The following LAMC1 variants were observed in gnomAD, a reference collection of about 807,000 sequenced individuals.
LAMC1 encodes the protein laminin subunit gamma-1.
In LAMC1, 38 loss-of-function variants were observed where a neutral mutation model predicts 173.6. The ratio of observed to expected loss-of-function variants is 0.22; its 90% confidence interval spans 0.17 to 0.29. The LOEUF (loss-of-function observed/expected upper bound fraction) is 0.29. LAMC1 is among the 10% of genes least tolerant of loss of function. The probability of loss-of-function intolerance (pLI) is 1.00; values close to 1 mark genes in which losing one functional copy is unlikely to be tolerated. For missense variants in LAMC1, 1,824 were observed against 2,051.8 expected (o/e 0.89, Z 2.14); for synonymous variants, 746 against 749.1 (o/e 1.00, Z 0.07).
Position 183,116,678 on chromosome 1 carries a change from AG to A in LAMC1, c.1427+4del, listed in dbSNP as rs1303035276. The A allele has an allele frequency of 6.2e-7, 1 of 1,610,518 alleles. No homozygotes were observed. The highest frequency in any genetic ancestry group is 2.2e-5 in the East Asian group (1 of 44,852). On this transcript the variant is annotated splice_donor_region_variant and intron_variant, in intron 7 of 27. Coordinates refer to ENST00000258341, the MANE Select transcript of LAMC1 (RefSeq NM_002293.4). The stretch of plus-strand genomic sequence containing the variant: ...GTCGAAGGCTTCAATTGTGAAAGGT[AG>A]TGCATTCTTTCTCTAGCTGCATTGT...
chr1:183,056,530 C>T (rs1654600454), intron 1 of LAMC1, among the ~76,000 whole-genome samples: 1 of 152,132 alleles, frequency 6.6e-6, no homozygotes, highest in African/African-American at 2.4e-5. Context: ...CACCCTCCTC[C>T]CCCCATCCCC....
At position 183,142,751 on chromosome 1, in the gene LAMC1, A is replaced by G. The variant is rs1203950012; in HGVS notation, c.4791A>G (p.Pro1597=). The part of the protein sequence containing the change: ...RNLEDIRKTL[P]SGCFNTPSIE... ...TGGAGGACATCAGGAAGACCTTACC[A>G]TCTGGCTGCTTCAACACCCCGTCCA... The change falls in exon 28 of 28, where the codon CCA becomes CCG. Residue 1597 remains proline (P), a synonymous_variant. Coordinates refer to ENST00000258341, the MANE Select transcript of LAMC1 (RefSeq NM_002293.4). 6.2e-7 allele frequency: 1 copy of G among 1,613,894 alleles called. No homozygotes were observed. The highest frequency in any genetic ancestry group is 2.2e-5 in the East Asian group (1 of 44,892).
chr1:183,128,485 A>G (rs1427263303), intron 17 of LAMC1, 109 bp from the exon 18 acceptor site: 6 of 728,516 alleles, frequency 8.2e-6, no homozygotes, highest in Non-Finnish European at 1.2e-5. Flanking sequence ...AAAAAAAAAA[A>G]GAACTACATA....
chr1:183,040,225 C>A (rs1448327120), intron 1 of LAMC1, among the ~76,000 whole-genome samples: 1 of 152,204 alleles, frequency 6.6e-6, no homozygotes, highest in Non-Finnish European at 1.5e-5. Flanking sequence ...TAACACACAG[C>A]TGTTTTTGTT....
At chr1:183,124,519 C>A in intron 13 of LAMC1, 112 bp from the exon 14 acceptor site, 1 of 1,328,396 alleles carries the variant, frequency 7.5e-7, no homozygotes, top group Non-Finnish European at 1.1e-6. Context: ...CTCCACTGCA[C>A]CATGTCTTCT....
chr1:183,059,312 CA>C (rs1246403207), intron 1 of LAMC1, among the ~76,000 whole-genome samples: 13 of 152,338 alleles, frequency 8.5e-5, no homozygotes, highest in Admixed American at 8.5e-4. Context: ...TAATACATTA[CA>C]TCATGGTGGA....
chr1:183,028,877 T>A (rs1362842455), intron 1 of LAMC1, among the ~76,000 whole-genome samples: 1 of 152,262 alleles, frequency 6.6e-6, no homozygotes, highest in Non-Finnish European at 1.5e-5. Flanking sequence ...GTATTTCTAG[T>A]CAGCTCTTTT....
chr1:183,079,261 T>G (rs1433540239), intron 1 of LAMC1, among the ~76,000 whole-genome samples: 4 of 107,218 alleles, frequency 3.7e-5, no homozygotes, highest in African/African-American at 1.3e-4. Flanking sequence ...TTTTTTTTTT[T>G]TTTTTTTTTT....
At chr1:183,044,055 AG>A (rs1223797873) in intron 1 of LAMC1, among the ~76,000 whole-genome samples, 1 of 151,954 alleles carries the variant, frequency 6.6e-6, no homozygotes, top group Non-Finnish European at 1.5e-5. Context: ...AGGAATCTTT[AG>A]TCACTCAGTT....
At chr1:183,054,795 C>T (rs900378417) in intron 1 of LAMC1, among the ~76,000 whole-genome samples, 3 of 152,104 alleles carry the variant, frequency 2.0e-5, no homozygotes, top group Non-Finnish European at 4.4e-5. Context: ...ATTGATTATT[C>T]ATAGACTTCT....
intron 14 of LAMC1, 144 bp downstream of exon 14, chr1:183,125,020 AC>A: frequency 9.1e-7 from 1 of 1,094,158 alleles, no homozygotes; most frequent in Non-Finnish European, 1.3e-6. Flanking sequence ...TTTTCTAGTC[AC>A]CACATTAAAA....
intron 11 of LAMC1, among the ~76,000 whole-genome samples, chr1:183,120,288 G>T (rs1656436054): frequency 6.6e-6 from 1 of 151,860 alleles, no homozygotes. Context: ...AAGAAGTTTG[G>T]CTATAAGGAA....
chr1:183,114,707 T>C lies in LAMC1; in HGVS notation c.1198T>C (p.Cys400Arg). The C allele has an allele frequency of 6.2e-7, 1 of 1,614,010 alleles. No homozygotes were observed. Among genetic ancestry groups the C allele is most frequent in the Non-Finnish European group, 8.5e-7 (1 of 1,179,904 alleles). Reference sequence around the variant, plus strand: ...CAATGAAGCCTGCTCTTCATGCCACTGTAGTCCTGTGGGTAAGTGACAGGA... The same window carrying C: ...CAATGAAGCCTGCTCTTCATGCCACCGTAGTCCTGTGGGTAAGTGACAGGA... ...GNNEACSSCH[C>R]SPVGSLSTQC... The change falls in exon 5 of 28, where the codon TGT becomes CGT. Residue 400 changes from cysteine to arginine, a missense_variant. Physicochemically the swap from Cys to Arg is radical, Grantham distance 180 (BLOSUM62 -3). Coordinates refer to ENST00000258341, the MANE Select transcript of LAMC1 (RefSeq NM_002293.4).
chr1:183,092,123 G>C (rs1655581141), intron 1 of LAMC1, among the ~76,000 whole-genome samples: 1 of 152,196 alleles, frequency 6.6e-6, no homozygotes, highest in African/African-American at 2.4e-5. Flanking sequence ...ACATCTGTGT[G>C]TGTCTTAAAG....
chr1:183,102,267 G>T (rs1341470900), intron 1 of LAMC1, among the ~76,000 whole-genome samples: 4 of 152,204 alleles, frequency 2.6e-5, no homozygotes, highest in Non-Finnish European at 5.9e-5. Flanking sequence ...GGGTTTTGTA[G>T]GAGAGGGTTG....
intron 2 of LAMC1, among the ~76,000 whole-genome samples, chr1:183,105,655 G>A (rs1189719012): frequency 6.6e-6 from 1 of 152,156 alleles, no homozygotes; most frequent in Non-Finnish European, 1.5e-5. Context: ...AATGCTGTGG[G>A]CATCTGCATA....
intron 1 of LAMC1, among the ~76,000 whole-genome samples, chr1:183,102,559 C>A (rs1487923691): frequency 6.6e-6 from 1 of 152,234 alleles, no homozygotes. Flanking sequence ...CCAAGCCATC[C>A]TGACCATAAG....
intron 1 of LAMC1, among the ~76,000 whole-genome samples, chr1:183,086,405 A>G (rs558084773): frequency 6.6e-6 from 1 of 152,346 alleles, no homozygotes; most frequent in South Asian, 2.1e-4. Context: ...TACCTTTTCA[A>G]GTGATAGAAG....
At chr1:183,133,278 C>T in intron 21 of LAMC1, 128 bp from the exon 22 acceptor site, 1 of 768,538 alleles carries the variant, frequency 1.3e-6, no homozygotes, top group Non-Finnish European at 2.1e-6. Context: ...TATTAAAATG[C>T]AAGCATTTTA....
Sources: gnomAD v4.1 joint callset for allele counts (sites outside exome capture counted in the v4.1 genomes callset) on GRCh38, gnomAD v4.1.1 for gene constraint, MANE v1.5 for transcripts, NCBI Gene and HGNC (gene_info 2026-07-23, HGNC 2026-07-21) for gene names.